Variants in MSRA observed in about 807,000 individuals in gnomAD.
MSRA encodes methionine sulfoxide reductase A.
Under a neutral mutation model 31.3 loss-of-function variants are expected in MSRA, and 54 were observed. The observed-to-expected ratio is 1.73, with a 90% CI of 1.39 to 2.17. The LOEUF is 2.17. MSRA is among the 30% of genes most tolerant of loss of function. The probability of loss-of-function intolerance (pLI) is 0.00; values close to 1 mark genes in which losing one functional copy is unlikely to be tolerated. For missense variants in MSRA, 507 were observed against 300.9 expected (o/e 1.69, Z -5.07); for synonymous variants, 169 against 116.5 (o/e 1.45, Z -2.90).
intron 3 of MSRA, among the ~76,000 whole-genome samples, chr8:10,291,215 A>G (rs1172087274): frequency 6.6e-6 from 1 of 152,224 alleles, no homozygotes; most frequent in Admixed American, 6.5e-5. Context: ...CTCCTCTGAG[A>G]GCATAATCTC....
intron 5 of MSRA, among the ~76,000 whole-genome samples, chr8:10,334,379 C>T (rs1217145660): frequency 6.6e-6 from 1 of 152,056 alleles, no homozygotes; most frequent in Non-Finnish European, 1.5e-5. Context: ...AAGCCTGGCC[C>T]TGGTTCAGCC....
At chr8:10,134,782 GA>G (rs1193855011) in intron 1 of MSRA, among the ~76,000 whole-genome samples, 2 of 152,250 alleles carry the variant, frequency 1.3e-5, no homozygotes, top group African/African-American at 4.8e-5. Context: ...ACGCTTGGTT[GA>G]AGTATATCTT....
chr8:10,243,393 C>A (rs867935021), intron 2 of MSRA, among the ~76,000 whole-genome samples: 2 of 152,104 alleles, frequency 1.3e-5, no homozygotes, highest in Non-Finnish European at 2.9e-5. Flanking sequence ...TCCCCTCATC[C>A]CAAGGAATGC....
chr8:10,356,005 C>G (rs1270360902), intron 5 of MSRA, among the ~76,000 whole-genome samples: 1 of 152,144 alleles, frequency 6.6e-6, no homozygotes, highest in African/African-American at 2.4e-5. Context: ...TACGTGGTAC[C>G]ACAGTCAGAG....
chr8:10,292,562 G>A (rs1800299309), intron 3 of MSRA, among the ~76,000 whole-genome samples: 1 of 152,228 alleles, frequency 6.6e-6, no homozygotes, highest in Non-Finnish European at 1.5e-5. Context: ...GCCACCCGGT[G>A]GGGGACCCCA....
At chr8:10,104,528 A>G (rs1384591112) in intron 1 of MSRA, among the ~76,000 whole-genome samples, 1 of 152,176 alleles carries the variant, frequency 6.6e-6, no homozygotes, top group Non-Finnish European at 1.5e-5. Flanking sequence ...AGATATAAAA[A>G]TTTTGATTGG....
intron 5 of MSRA, among the ~76,000 whole-genome samples, chr8:10,417,999 G>C: frequency 6.6e-6 from 1 of 152,190 alleles, no homozygotes; most frequent in African/African-American, 2.4e-5. Flanking sequence ...AGCTGTGCTG[G>C]CTCCCGGACA....
intron 1 of MSRA, among the ~76,000 whole-genome samples, chr8:10,206,747 C>T (rs903647670): frequency 6.6e-6 from 1 of 152,244 alleles, no homozygotes; most frequent in African/African-American, 2.4e-5. Context: ...CCCAGCTCTC[C>T]TGCTACAATT....
At chr8:10,425,160 G>C (rs908349749) in intron 5 of MSRA, among the ~76,000 whole-genome samples, 1 of 152,102 alleles carries the variant, frequency 6.6e-6, no homozygotes, top group African/African-American at 2.4e-5. Flanking sequence ...ATGGGGGAGA[G>C]TGCTGGGAAG....
In MSRA at chr8:10,247,281, A is replaced by G. The variant is rs73662807; in HGVS notation, c.331+2058A>G. On this transcript the variant is annotated intron_variant, in intron 3 of 5. Transcript: ENST00000317173. ...GAGGCTCAGAGAGGATAAATAACTTACCTAAGGTCATACCTAGCAGGAATC... is the reference window on the plus strand; with the variant it reads ...GAGGCTCAGAGAGGATAAATAACTTGCCTAAGGTCATACCTAGCAGGAATC... Among the ~76,000 whole-genome samples, 747 of 152,228 alleles carry G rather than the reference A, an allele frequency of 4.9e-3. 11 individuals carry two copies. The highest frequency in any genetic ancestry group is 0.016 in the African/African-American group (678 of 41,510).
intron 2 of MSRA, among the ~76,000 whole-genome samples, chr8:10,223,538 A>G (rs1262097723): frequency 1.3e-5 from 2 of 152,252 alleles, no homozygotes; most frequent in East Asian, 1.9e-4. Context: ...AAGACAGGTC[A>G]GTAGAAATTC....
At chr8:10,272,003 C>T (rs998326278) in intron 3 of MSRA, among the ~76,000 whole-genome samples, 5 of 152,138 alleles carry the variant, frequency 3.3e-5, no homozygotes, top group South Asian at 2.1e-4. Context: ...CCACTGTGCC[C>T]GGCCAGGTAC....
At chr8:10,258,407 C>T (rs1471225090) in intron 3 of MSRA, among the ~76,000 whole-genome samples, 1 of 152,204 alleles carries the variant, frequency 6.6e-6, no homozygotes, top group Admixed American at 6.5e-5. Flanking sequence ...TATGTAAAGG[C>T]TCCTGTCCTA....
At chr8:10,141,435 A>G (rs1294548159) in intron 1 of MSRA, among the ~76,000 whole-genome samples, 1 of 152,206 alleles carries the variant, frequency 6.6e-6, no homozygotes, top group Non-Finnish European at 1.5e-5. Context: ...CCAATGCACA[A>G]GACATACATT....
chr8:10,363,738 C>CCACACACACACACACACACACA (rs71203319), intron 5 of MSRA, among the ~76,000 whole-genome samples: 8,040 of 103,146 alleles, frequency 0.078, 818 homozygotes, highest in East Asian at 0.15. Context: ...GATGCAGTCA[C>CCACACACACACACACACACACA]CACACACACA....
At chr8:10,340,353 A>G (rs10105843) in intron 5 of MSRA, among the ~76,000 whole-genome samples, 69,388 of 152,006 alleles carry the variant, frequency 0.46, 16,399 homozygotes, top group East Asian at 0.64. Flanking sequence ...CAAGTCTATG[A>G]GCCATCAAAT....
intron 5 of MSRA, among the ~76,000 whole-genome samples, chr8:10,374,779 A>G (rs901239863): frequency 6.6e-6 from 1 of 152,186 alleles, no homozygotes; most frequent in Non-Finnish European, 1.5e-5. Flanking sequence ...TCCAAATCTC[A>G]TGTTGAAATG....
intron 3 of MSRA, among the ~76,000 whole-genome samples, chr8:10,280,998 G>C (rs1799594116): frequency 6.6e-6 from 1 of 152,174 alleles, no homozygotes; most frequent in African/African-American, 2.4e-5. Flanking sequence ...TAGCTTGGAC[G>C]GGGGAGATGG....
intron 5 of MSRA, among the ~76,000 whole-genome samples, chr8:10,388,775 G>A (rs771716818): frequency 2.0e-4 from 31 of 152,040 alleles, no homozygotes; most frequent in Middle Eastern, 3.4e-3. Context: ...GTTGGGGGAG[G>A]GGAAGCTGTT....
Sources: allele counts gnomAD v4.1 joint callset (sites outside exome capture counted in the v4.1 genomes callset), GRCh38; gene constraint gnomAD v4.1.1; transcripts MANE v1.5; gene names NCBI Gene and HGNC (gene_info 2026-07-23, HGNC 2026-07-21).